ZRSR2: variants seen among roughly 807,000 people sequenced by gnomAD.
ZRSR2 encodes the protein U2 small nuclear ribonucleoprotein auxiliary factor 35 kDa subunit-related protein 2.
Under a neutral mutation model 39.4 loss-of-function variants are expected in ZRSR2, and 3 were observed. That is an observed-to-expected ratio of 0.08 (90% CI 0.03 to 0.20). The LOEUF (loss-of-function observed/expected upper bound fraction) is 0.20. Ranked by LOEUF, ZRSR2 falls within the 10% of genes least tolerant of loss-of-function variation. The pLI is 1.00. For missense variants in ZRSR2, 256 were observed against 391.5 expected (o/e 0.65, Z 2.92); for synonymous variants, 137 against 136.0 (o/e 1.01, Z -0.05).
At chrX:15,822,635 A>T (rs774631106) in intron 10 of ZRSR2, 96 bp from the exon 11 acceptor site, 3 of 1,178,602 alleles carry the variant, frequency 2.5e-6, no homozygotes, top group Admixed American at 2.3e-5. Flanking sequence ...TAGTTCTAGC[A>T]TATCCAAATA....
rs776050978 is a variant in ZRSR2 at position 15,811,991 on chromosome X, A to G, written c.557+2673A>G. ...GTCGCCCAGGCTGGAGTGCAGTGGC[A>G]CGATCTCCGCTCACTGCAAACTCCG... On this transcript the variant is annotated intron_variant, in intron 7 of 10. Transcript: ENST00000307771. Among the ~76,000 whole-genome samples the G allele has an allele frequency of 7.2e-5, 8 of 111,406 alleles. No homozygotes were observed. The East Asian group carries it at 1.4e-3, about 20-fold the overall frequency.
chrX:15,816,314 GT>G (rs1489859558), intron 8 of ZRSR2, among the ~76,000 whole-genome samples: 2 of 111,852 alleles, frequency 1.8e-5, no homozygotes, highest in African/African-American at 6.5e-5. Context: ...CACTCACTAA[GT>G]TTGTTGGTGC....
chrX:15,822,552 C>A (rs749744899), intron 10 of ZRSR2, among the ~76,000 whole-genome samples, 179 bp from the exon 11 acceptor site: 3 of 112,499 alleles, frequency 2.7e-5, no homozygotes, highest in East Asian at 2.8e-4. Flanking sequence ...TATTAGAGCA[C>A]GTTTGAAATC....
chrX:15,821,991 G>C (rs890163465), intron 10 of ZRSR2, among the ~76,000 whole-genome samples: 9 of 109,789 alleles, frequency 8.2e-5, no homozygotes, highest in African/African-American at 3.0e-4. Flanking sequence ...TGTTTAATAG[G>C]CCTTCTCTTT....
Position 15,820,199 on chromosome X carries a change from G to A in ZRSR2, c.828-8G>A, listed in dbSNP as rs1569073558. 2 of 1,199,158 alleles carry A rather than the reference G, an allele frequency of 1.7e-6. No individual in the cohort carries two copies. The highest frequency in any genetic ancestry group is 2.3e-6 in the Non-Finnish European group (2 of 884,896). On this transcript the variant is annotated splice_region_variant and splice_polypyrimidine_tract_variant and intron_variant, in intron 9 of 10. Coordinates refer to ENST00000307771, the MANE Select transcript of ZRSR2 (RefSeq NM_005089.4). ...TGTAAAGCATATCATTTGATTTTTG[G>A]TTTAAAGGGAAGAAGAATGCCAAGC...
intron 2 of ZRSR2, among the ~76,000 whole-genome samples, chrX:15,791,479 A>T (rs1319332737): frequency 9.0e-6 from 1 of 110,641 alleles, no homozygotes; most frequent in African/African-American, 3.3e-5. Context: ...TATGAAGCTC[A>T]TTTATTTATT....
intron 5 of ZRSR2, among the ~76,000 whole-genome samples, chrX:15,805,581 G>A (rs1249837984): frequency 8.9e-6 from 1 of 112,121 alleles, no homozygotes; most frequent in Non-Finnish European, 1.9e-5. Context: ...TTATATGGGA[G>A]TGTGAGATGA....
intron 7 of ZRSR2, among the ~76,000 whole-genome samples, chrX:15,814,573 TG>T (rs1414194526): frequency 1.8e-5 from 2 of 112,262 alleles, no homozygotes; most frequent in East Asian, 5.6e-4. Context: ...AAGGTTGCAG[TG>T]AAGTATGATC....
At chrX:15,805,744 A>C (rs1011728174) in intron 5 of ZRSR2, among the ~76,000 whole-genome samples, 2 of 110,142 alleles carry the variant, frequency 1.8e-5, no homozygotes, top group African/African-American at 6.6e-5. Context: ...AGCCTGGTCA[A>C]CATGGTGAAA....
chrX:15,793,778 T>A (rs781149865), intron 2 of ZRSR2, among the ~76,000 whole-genome samples: 3 of 112,487 alleles, frequency 2.7e-5, no homozygotes, highest in Non-Finnish European at 3.8e-5. Context: ...TCTCAGGTGA[T>A]CTGCCCACCT....
chrX:15,794,181 A>G (rs185157922), intron 2 of ZRSR2, among the ~76,000 whole-genome samples: 2 of 111,682 alleles, frequency 1.8e-5, no homozygotes, highest in Admixed American at 9.5e-5. Flanking sequence ...AAGATCCAAA[A>G]TTCGAAATGC....
rs757551420 is a variant in ZRSR2, at chrX:15,823,131, G to GAGCCGC, written c.1341_1346dup (p.Ser447_Arg448dup). On this transcript the variant is annotated inframe_insertion, in exon 11 of 11. Coordinates refer to ENST00000307771, the MANE Select transcript of ZRSR2 (RefSeq NM_005089.4). ...GCAGCCGGAGCCGGAGCCGGAGCCG[G>GAGCCGC]AGCCGCAGGAGCCGCCGCAGCCGGA... 4.2e-4 allele frequency: 504 copies of GAGCCGC among 1,203,688 alleles called. 2 individuals are homozygous for GAGCCGC. In the South Asian group the frequency reaches 6.4e-3, roughly 15 times the overall value.
At chrX:15,806,695 C>T (rs936344644) in intron 5 of ZRSR2, among the ~76,000 whole-genome samples, 3 of 97,724 alleles carry the variant, frequency 3.1e-5, no homozygotes, top group African/African-American at 7.7e-5. Flanking sequence ...CCAAAGTGCT[C>T]GTGTGAACCA....
chrX:15,812,456 G>T (rs937443732), intron 7 of ZRSR2, among the ~76,000 whole-genome samples: 6 of 111,830 alleles, frequency 5.4e-5, no homozygotes, highest in Admixed American at 4.8e-4. Context: ...CAGCTGTTCT[G>T]TTCTGTCGTT....
intron 2 of ZRSR2, among the ~76,000 whole-genome samples, chrX:15,793,562 A>G (rs1359512985): frequency 1.8e-5 from 2 of 111,247 alleles, no homozygotes; most frequent in African/African-American, 3.3e-5. Context: ...TTTTTGAGAC[A>G]GAGTCTCACT....
Position 15,823,099 on chromosome X carries a change from GGCCGGGGCAGCCGGAGCCGGA to G in ZRSR2, c.1312_1332del (p.Gly438_Arg444del), listed in dbSNP as rs1555901441. On this transcript the variant is annotated inframe_deletion, in exon 11 of 11. Transcript: ENST00000307771. ...GGACCGCAGCAGGGACCGCAGCCGG[GGCCGGGGCAGCCGGAGCCGGA>G]GCCGGAGCCGGAGCCGCAGGAGCCG... 1 of 1,204,329 alleles carries G rather than the reference GGCCGGGGCAGCCGGAGCCGGA, an allele frequency of 8.3e-7. No homozygotes were observed. Among genetic ancestry groups the G allele is most frequent in the Non-Finnish European group, 1.1e-6 (1 of 891,807 alleles).
chrX:15,803,833 T>C (rs1233802512), intron 4 of ZRSR2, 37 bp downstream of exon 4: 3 of 1,169,094 alleles, frequency 2.6e-6, no homozygotes, highest in Middle Eastern at 4.6e-4. Flanking sequence ...AACAAACTGA[T>C]TACTTCACCA....
rs760043214 is a variant in ZRSR2, at chrX:15,820,759, G to A, written c.937+443G>A. ...TGAATCTTCTGTCATGACCACCTAC[G>A]TTACCTTGCCCATAGCATTTCCTGC... On this transcript the variant is annotated intron_variant, in intron 10 of 10. Transcript: ENST00000307771. Among the ~76,000 whole-genome samples the A allele has an allele frequency of 7.1e-5, 8 of 111,907 alleles. No homozygotes were observed. The South Asian group carries it at 2.6e-3, about 37-fold the overall frequency.
chrX:15,815,190 CTT>C lies in ZRSR2; in HGVS notation c.558-486_558-485del, dbSNP rs1932945527. Among the ~76,000 whole-genome samples, 3 of 112,977 alleles carry C rather than the reference CTT, an allele frequency of 2.7e-5. No homozygotes were observed. The South Asian group carries it at 1.1e-3, about 40-fold the overall frequency. On this transcript the variant is annotated intron_variant, in intron 7 of 10. Coordinates refer to ENST00000307771, the MANE Select transcript of ZRSR2 (RefSeq NM_005089.4). ...AAGTTTCAACACTTAAAAAAATCCT[CTT>C]AAGCGCTGAAACTTGGCATCTGAGT...
Sources: gnomAD v4.1 joint callset for allele counts (sites outside exome capture counted in the v4.1 genomes callset) on GRCh38, gnomAD v4.1.1 for gene constraint, MANE v1.5 for transcripts, NCBI Gene and HGNC (gene_info 2026-07-23, HGNC 2026-07-21) for gene names.